The following LOXL3 variants were observed in gnomAD, a reference collection of about 807,000 sequenced individuals.
The protein encoded by LOXL3 is lysyl oxidase homolog 3.
LOXL3 carries 60 observed loss-of-function variants against 91.8 expected under a neutral mutation model. The observed-to-expected ratio is 0.65, with a 90% CI of 0.53 to 0.81. LOXL3 has a LOEUF of 0.81. LOXL3 is among the 30% of genes least tolerant of loss of function. The probability of loss-of-function intolerance (pLI) is 0.00; values close to 1 mark genes in which losing one functional copy is unlikely to be tolerated. For missense variants in LOXL3, 874 were observed against 1,000.4 expected, an observed-to-expected ratio of 0.87 and a Z score of 1.70; for synonymous variants, 355 against 387.6, an observed-to-expected ratio of 0.92 and a Z score of 0.99.
At position 74,549,472 on chromosome 2, in the gene LOXL3, A is replaced by G; in HGVS notation, c.589T>C (p.Trp197Arg). The G allele has an allele frequency of 6.2e-7, 1 of 1,613,318 alleles. No homozygotes were observed. Among genetic ancestry groups the G allele is most frequent in the Non-Finnish European group, 8.5e-7 (1 of 1,179,778 alleles). The change falls in exon 4 of 14, where the codon TGG becomes CGG. Residue 197 changes from tryptophan to arginine, a missense_variant. Trp to Arg is a moderately radical substitution (Grantham distance 101). Coordinates refer to ENST00000264094, the MANE Select transcript of LOXL3 (RefSeq NM_032603.5). The surrounding 1 kb of genome is among the most constrained non-coding windows in gnomAD (Gnocchi z 5.3). ...CAGCCTTTGTCGCACACTTGCGACC[A>G]GCCGTCAGGAAGCCTGACTTCCACC... ...GLVEVRLPDG[W>R]SQVCDKGWSA...
At position 74,550,194 on chromosome 2, in the gene LOXL3, A is replaced by T; in HGVS notation, c.468T>A (p.Asn156Lys). ...DQRLPGFSDS[N>K]VIEVEHHLQV... Reference sequence around the variant, plus strand: ...TCTAGGAAATGCAGACCTCAATGACATTGGAGTCCGAGAAGCCAGGGAGGC... The same window carrying T: ...TCTAGGAAATGCAGACCTCAATGACTTTGGAGTCCGAGAAGCCAGGGAGGC... The change falls in exon 3 of 14, where the codon AAT becomes AAA. Residue 156 changes from asparagine to lysine, a missense_variant. Coordinates refer to ENST00000264094, the MANE Select transcript of LOXL3 (RefSeq NM_032603.5). The T allele has an allele frequency of 1.2e-6, 2 of 1,613,474 alleles. No homozygotes were observed. The highest frequency in any genetic ancestry group is 1.7e-6 in the Non-Finnish European group (2 of 1,179,616).
chr2:74,533,508 G>C lies in LOXL3; in HGVS notation c.*98C>G. The C allele has an allele frequency of 9.7e-7, 1 of 1,027,026 alleles. No homozygotes were observed. Among genetic ancestry groups the C allele is most frequent in the Non-Finnish European group, 1.5e-6 (1 of 666,026 alleles). The allele number at this position is 1,027,026 out of a possible 1,614,324, so 63.6% of individuals were successfully genotyped here. On this transcript the variant is annotated 3_prime_UTR_variant, in exon 14 of 14. Coordinates refer to ENST00000264094, the MANE Select transcript of LOXL3 (RefSeq NM_032603.5). Reference sequence around the variant, plus strand: ...CCATAGTGCATGGTCTGATGAGTGCGGTTGCTGACATGGGTTTCTTGGTAA... The same window carrying C: ...CCATAGTGCATGGTCTGATGAGTGCCGTTGCTGACATGGGTTTCTTGGTAA...
Position 74,536,081 on chromosome 2 carries a change from T to C in LOXL3, c.1163A>G (p.His388Arg). The C allele has an allele frequency of 6.2e-7, 1 of 1,613,560 alleles. No homozygotes were observed. Among genetic ancestry groups the C allele is most frequent in the Admixed American group, 1.7e-5 (1 of 59,956 alleles). Residue 388 changes from histidine (H) to arginine (R), a missense_variant, in exon 7 of 14, where the codon CAC becomes CGC. Physicochemically the swap from His to Arg is conservative, Grantham distance 29. Transcript: ENST00000264094. The surrounding 1 kb of genome is among the most constrained non-coding windows in gnomAD (Gnocchi z 4.5). The part of the protein sequence containing the change: ...GQELSLWKCP[H>R]KNITAEDCSH... ...ACAATCCTCAGCTGTGATGTTCTTG[T>C]GGGGGCACTTCCAGAGGGAGAGCTC...
At chr2:74,533,754 G>C (rs1675802216) in intron 13 of LOXL3, 75 bp from the exon 14 acceptor site, 1 of 1,494,548 alleles carries the variant, frequency 6.7e-7, no homozygotes, top group African/African-American at 1.4e-5. Context: ...GAGAAGGGTG[G>C]GTAGAAGTGG....
In LOXL3 at chr2:74,549,701, A is replaced by T. The variant is rs898904181; in HGVS notation, c.478-118T>A. On this transcript the variant is annotated intron_variant, in intron 3 of 13. Coordinates refer to ENST00000264094, the MANE Select transcript of LOXL3 (RefSeq NM_032603.5). This position sits in a 1 kb window ranked among gnomAD's most constrained non-coding sequence, Gnocchi z 5.3. ...TAAACCCAGTGGCGGGATGGGCCCG[A>T]GGCGGCGCTGAGAGAGCGGCCACGA... 25 of 1,449,198 alleles carry T rather than the reference A, an allele frequency of 1.7e-5. No homozygotes were observed. Among genetic ancestry groups the T allele is most frequent in the Non-Finnish European group, 2.3e-5 (25 of 1,097,746 alleles). 89.8% of individuals were successfully genotyped at this position (1,449,198 alleles called of 1,614,324 possible).
In LOXL3 at chr2:74,532,903, G is replaced by A. The variant is rs772099633; in HGVS notation, c.*703C>T. The A allele has an allele frequency of 2.5e-6, 4 of 1,614,064 alleles. No homozygotes were observed. Among genetic ancestry groups the A allele is most frequent in the Non-Finnish European group, 2.5e-6 (3 of 1,180,006 alleles). ...GCTGAAGATGTTTATGAAGCTGTTC[G>A]AACCCAATCCCAGTTGGCAGTGCAG... On this transcript the variant is annotated 3_prime_UTR_variant, in exon 14 of 14. Transcript: ENST00000264094.
chr2:74,546,008 T>G (rs1676566739), intron 4 of LOXL3, among the ~76,000 whole-genome samples: 1 of 152,170 alleles, frequency 6.6e-6, no homozygotes, highest in African/African-American at 2.4e-5. Flanking sequence ...ACATGCTCCA[T>G]TCACTGTTTT....
chr2:74,538,094 T>A (rs1676127490), intron 4 of LOXL3, among the ~76,000 whole-genome samples: 1 of 152,190 alleles, frequency 6.6e-6, no homozygotes. Flanking sequence ...GATAAATGGA[T>A]CCTGAAGATC....
At chr2:74,554,534 C>T, upstream of LOXL3, 1 of 575,338 alleles carries the variant, frequency 1.7e-6, no homozygotes, top group Non-Finnish European at 3.1e-6. The surrounding 1 kb of genome is among the most constrained non-coding windows in gnomAD (Gnocchi z 4.9). Flanking sequence ...ACTGGCGCGC[C>T]CCCACGACGG....
intron 4 of LOXL3, among the ~76,000 whole-genome samples, chr2:74,538,311 A>C (rs562651874): frequency 1.3e-5 from 2 of 152,302 alleles, no homozygotes; most frequent in South Asian, 2.1e-4. Flanking sequence ...CTAAGCTAGA[A>C]GGGCACTACA....
At chr2:74,555,281 A>G, upstream of LOXL3, 1 of 1,614,044 alleles carries the variant, frequency 6.2e-7, no homozygotes, top group Non-Finnish European at 8.5e-7. This position sits in a 1 kb window ranked among gnomAD's most constrained non-coding sequence, Gnocchi z 6.1. Context: ...CTGGACTGCA[A>G]AGTGATCCGT....
upstream of LOXL3, chr2:74,555,338 C>T (rs1372776549): frequency 1.2e-6 from 2 of 1,613,870 alleles, no homozygotes; most frequent in African/African-American, 2.7e-5. This position sits in a 1 kb window ranked among gnomAD's most constrained non-coding sequence, Gnocchi z 6.1. Flanking sequence ...GAGACCCCCC[C>T]TGAGCCCGGC....
rs375891754 is a variant in LOXL3 at position 74,532,686 on chromosome 2, A to T, written c.*920T>A. 1.2e-6 allele frequency: 2 copies of T among 1,613,800 alleles called. No homozygotes were observed. Among genetic ancestry groups the T allele is most frequent in the Non-Finnish European group, 1.7e-6 (2 of 1,180,030 alleles). On this transcript the variant is annotated 3_prime_UTR_variant, in exon 14 of 14. Coordinates refer to ENST00000264094, the MANE Select transcript of LOXL3 (RefSeq NM_032603.5). ...TGTTCAGCATGGTGTACTCATCCATAAAGTCATCCTGGGCTCCCCTGCACA... is the reference window on the plus strand; with the variant it reads ...TGTTCAGCATGGTGTACTCATCCATTAAGTCATCCTGGGCTCCCCTGCACA...
In LOXL3 at chr2:74,534,781, CAAGA is replaced by C. The variant is rs1416615817; in HGVS notation, c.1580-11_1580-8del. The C allele has an allele frequency of 1.2e-5, 19 of 1,608,020 alleles. No individual in the cohort carries two copies. Among genetic ancestry groups the C allele is most frequent in the Non-Finnish European group, 1.5e-5 (18 of 1,175,614 alleles). On this transcript the variant is annotated splice_region_variant and splice_polypyrimidine_tract_variant and intron_variant, in intron 9 of 13. Coordinates refer to ENST00000264094, the MANE Select transcript of LOXL3 (RefSeq NM_032603.5). ...AGCAACAGATCTGATGCAGCTGCAC[CAAGA>C]AAGGAAGGGGGTGTTAGAAGTCACT...
At chr2:74,541,564 G>A (rs923045786) in intron 4 of LOXL3, among the ~76,000 whole-genome samples, 8 of 152,132 alleles carry the variant, frequency 5.3e-5, no homozygotes, top group African/African-American at 1.7e-4. Context: ...TAAATATGGT[G>A]TGAAATTTTT....
At chr2:74,541,687 C>T (rs1676330174) in intron 4 of LOXL3, among the ~76,000 whole-genome samples, 1 of 152,038 alleles carries the variant, frequency 6.6e-6, no homozygotes, top group Admixed American at 6.6e-5. Context: ...AGTACTAAAA[C>T]ATTTTGGTAT....
At chr2:74,552,265 C>A in intron 2 of LOXL3, 57 bp downstream of exon 2, 1 of 1,511,572 alleles carries the variant, frequency 6.6e-7, no homozygotes, top group Non-Finnish European at 9.0e-7. Flanking sequence ...TGTTCCCTTT[C>A]CCTGCACTTT....
rs1226419331 is a variant in LOXL3 at position 74,533,346 on chromosome 2, T to G, written c.*260A>C. 1.9e-6 allele frequency: 1 copy of G among 538,128 alleles called. No individual in the cohort carries two copies. Among genetic ancestry groups the G allele is most frequent in the Non-Finnish European group, 3.3e-6 (1 of 302,048 alleles). 33.3% of individuals were successfully genotyped at this position (538,128 alleles called of 1,614,324 possible). ...CTTTTGTGGGCAGTTAGTCAGGTGCTGCTCTTTGTGGTGTGGTGGGCTCTG... is the reference window on the plus strand; with the variant it reads ...CTTTTGTGGGCAGTTAGTCAGGTGCGGCTCTTTGTGGTGTGGTGGGCTCTG... On this transcript the variant is annotated 3_prime_UTR_variant, in exon 14 of 14. Transcript: ENST00000264094.
At chr2:74,537,036 G>A (rs1676072674) in intron 4 of LOXL3, 108 bp from the exon 5 acceptor site, 4 of 824,890 alleles carry the variant, frequency 4.8e-6, no homozygotes, top group Non-Finnish European at 7.8e-6. Context: ...ACCCTTTTGT[G>A]ACCATTTATC....
Sources: gnomAD v4.1 joint callset for allele counts (sites outside exome capture counted in the v4.1 genomes callset) on GRCh38, gnomAD v4.1.1 for gene constraint, Gnocchi (gnomAD v3.1) non-coding constraint, MANE v1.5 for transcripts, NCBI Gene and HGNC (gene_info 2026-07-23, HGNC 2026-07-21) for gene names.